Variants in KCNIP1 observed in about 807,000 individuals in gnomAD.
The protein encoded by KCNIP1 is potassium voltage-gated channel interacting protein 1, also known as A-type potassium channel modulatory protein KCNIP1.
Under a neutral mutation model 33.0 loss-of-function variants are expected in KCNIP1, and 18 were observed. The observed-to-expected ratio is 0.55, with a 90% confidence interval of 0.38 to 0.81. The LOEUF is 0.81. KCNIP1 is among the 30% of genes least tolerant of loss of function. KCNIP1 has a pLI of 0.00. For missense variants in KCNIP1, 238 were observed against 271.6 expected, an observed-to-expected ratio of 0.88 and a Z score of 0.87; for synonymous variants, 93 against 98.3, an observed-to-expected ratio of 0.95 and a Z score of 0.32.
chr5:170,486,340 T>G (rs1460859102), intron 1 of KCNIP1: 3 of 152,232 alleles, frequency 2.0e-5, no homozygotes, highest in Non-Finnish European at 2.9e-5. Flanking sequence ...CTGATCTACC[T>G]GCAAGCCTCT....
chr5:170,552,356 G>A (rs113869284), intron 1 of KCNIP1, among the ~76,000 whole-genome samples: 2,644 of 152,286 alleles, frequency 0.017, 98 homozygotes, highest in African/African-American at 0.06. Flanking sequence ...TTCATGATCC[G>A]CTGCTCTGAC....
At chr5:170,715,478 C>A (rs989903571) in intron 1 of KCNIP1, among the ~76,000 whole-genome samples, 1 of 152,180 alleles carries the variant, frequency 6.6e-6, no homozygotes, top group Non-Finnish European at 1.5e-5. Context: ...TCAAAATCAT[C>A]TACTATTCAA....
chr5:170,518,057 GT>G (rs1033559641), intron 1 of KCNIP1, among the ~76,000 whole-genome samples: 1 of 151,978 alleles, frequency 6.6e-6, no homozygotes, highest in African/African-American at 2.4e-5. Flanking sequence ...TGGTGGTGTG[GT>G]CATAATGATA....
chr5:170,571,801 G>T (rs56185315), intron 1 of KCNIP1, among the ~76,000 whole-genome samples: 50,323 of 152,060 alleles, frequency 0.33, 9,948 homozygotes, highest in Admixed American at 0.44. Context: ...TCATTCTGTG[G>T]GCCAGACAAA....
At chr5:170,492,227 T>C (rs1757222256) in intron 1 of KCNIP1, among the ~76,000 whole-genome samples, 1 of 152,174 alleles carries the variant, frequency 6.6e-6, no homozygotes, top group Non-Finnish European at 1.5e-5. Flanking sequence ...CTTCCTCAGG[T>C]CTAATAATTT....
At chr5:170,511,537 G>A (rs1581256698) in intron 1 of KCNIP1, among the ~76,000 whole-genome samples, 1 of 152,242 alleles carries the variant, frequency 6.6e-6, no homozygotes, top group African/African-American at 2.4e-5. Context: ...GTCAACTTTA[G>A]ATGGTAAAAG....
intron 1 of KCNIP1, among the ~76,000 whole-genome samples, chr5:170,532,960 C>T (rs111985544): frequency 0.014 from 2,108 of 152,304 alleles, 26 homozygotes; most frequent in Non-Finnish European, 0.02. Flanking sequence ...TGTAGCCTTC[C>T]GGATCTGTTG....
At chr5:170,685,978 A>G (rs1762523833) in intron 1 of KCNIP1, among the ~76,000 whole-genome samples, 1 of 152,190 alleles carries the variant, frequency 6.6e-6, no homozygotes, top group Non-Finnish European at 1.5e-5. Context: ...CAAGTAATAC[A>G]TGAACAGATT....
intron 5 of KCNIP1, among the ~76,000 whole-genome samples, chr5:170,725,132 T>G (rs1763965931): frequency 6.6e-6 from 1 of 152,114 alleles, no homozygotes; most frequent in Non-Finnish European, 1.5e-5. Context: ...TCAAAAAAAC[T>G]AAAAGTAGAG....
chr5:170,504,593 C>T lies in KCNIP1; in HGVS notation c.21C>T (p.Thr7=). The T allele has an allele frequency of 6.2e-7, 1 of 1,613,782 alleles. No individual in the cohort carries two copies. Among genetic ancestry groups the T allele is most frequent in the Non-Finnish European group, 8.5e-7 (1 of 1,180,022 alleles). ...CTGCCATGGGGGCCGTCATGGGCAC[C>T]TTCTCATCTCTGCAAACCAAACAAA... MGAVMG[T]FSSLQTKQRR... The change falls in exon 1 of 8, where the codon ACC becomes ACT. Residue 7 remains threonine (T), a synonymous_variant. Transcript: ENST00000328939. The surrounding 1 kb of genome is among the most constrained non-coding windows in gnomAD (Gnocchi z 6.0).
intron 1 of KCNIP1, among the ~76,000 whole-genome samples, chr5:170,663,019 C>G (rs1581465586): frequency 1.3e-5 from 2 of 152,294 alleles, no homozygotes; most frequent in South Asian, 4.1e-4. Context: ...CTGAGGACAC[C>G]TAGGAGAGGC....
At chr5:170,473,045 C>G (rs73311778) in intron 1 of KCNIP1, among the ~76,000 whole-genome samples, 2 of 152,146 alleles carry the variant, frequency 1.3e-5, no homozygotes, top group Non-Finnish European at 2.9e-5. Context: ...GACATTCCAA[C>G]GAGCAGTGTA....
Position 170,612,863 on chromosome 5 carries a change from C to A in KCNIP1, c.62-105895C>A, listed in dbSNP as rs180810327. Among the ~76,000 whole-genome samples, 73 of 152,266 alleles carry A rather than the reference C, an allele frequency of 4.8e-4. No homozygotes were observed. The East Asian group carries it at 9.3e-3, about 19-fold the overall frequency. On this transcript the variant is annotated intron_variant, in intron 1 of 7. Coordinates refer to ENST00000328939, the MANE Select transcript of KCNIP1 (RefSeq NM_014592.4). ...GAAACCTCTAGTGGACTCCTCACCC[C>A]CTCCCAAGACCCAGTCAATCTATAG...
chr5:170,620,483 C>A (rs1759560177), intron 1 of KCNIP1, among the ~76,000 whole-genome samples: 1 of 152,192 alleles, frequency 6.6e-6, no homozygotes, highest in Admixed American at 6.5e-5. Flanking sequence ...GCTGCTACAG[C>A]CATTGTGCTA....
chr5:170,358,318 C>T (rs1763403232), intron 1 of KCNIP1, among the ~76,000 whole-genome samples: 1 of 152,124 alleles, frequency 6.6e-6, no homozygotes, highest in South Asian at 2.1e-4. Context: ...AAGGACAAGG[C>T]CCTGGAGCCG....
intron 1 of KCNIP1, among the ~76,000 whole-genome samples, chr5:170,356,449 T>C (rs1763350569): frequency 6.6e-6 from 1 of 152,212 alleles, no homozygotes; most frequent in South Asian, 2.1e-4. Flanking sequence ...GGCCACCTCC[T>C]GCCATGCCAG....
chr5:170,637,356 C>T lies in KCNIP1; in HGVS notation c.62-81402C>T, dbSNP rs532483056. 2.1e-4 allele frequency among the ~76,000 whole-genome samples: 32 copies of T among 152,304 alleles called. 1 individual carries two copies. The South Asian group carries it at 6.6e-3, about 32-fold the overall frequency. ...GCACCCCTCCTCACCAGCTTCCCTG[C>T]TTCTGCCCTGGCCCCCACTCTTTGA... is the stretch of plus-strand genomic sequence containing the variant. On this transcript the variant is annotated intron_variant, in intron 1 of 7. Transcript: ENST00000328939.
At chr5:170,613,359 T>A (rs949018271) in intron 1 of KCNIP1, among the ~76,000 whole-genome samples, 1 of 152,218 alleles carries the variant, frequency 6.6e-6, no homozygotes, top group Non-Finnish European at 1.5e-5. Flanking sequence ...AGACAAAACA[T>A]TAATTGAGTG....
chr5:170,519,929 G>A (rs1410834144), intron 1 of KCNIP1, among the ~76,000 whole-genome samples: 3 of 152,078 alleles, frequency 2.0e-5, no homozygotes, highest in Admixed American at 2.0e-4. Context: ...AAGAATTCAA[G>A]CAAAGACAGG....
Sources: gnomAD v4.1 joint callset for allele counts (sites outside exome capture counted in the v4.1 genomes callset) on GRCh38, gnomAD v4.1.1 for gene constraint, Gnocchi (gnomAD v3.1) non-coding constraint, MANE v1.5 for transcripts, NCBI Gene and HGNC (gene_info 2026-07-23, HGNC 2026-07-21) for gene names.